DLC1: variants seen among roughly 807,000 people sequenced by gnomAD.
DLC1 encodes rho GTPase-activating protein 7.
A neutral mutation model predicts 140.3 loss-of-function variants in DLC1; 54 were observed. The observed-to-expected ratio is 0.38, with a 90% CI of 0.31 to 0.48. The LOEUF (loss-of-function observed/expected upper bound fraction) is 0.48, where lower values mean the gene tolerates loss of function less well. DLC1 is among the 20% of genes least tolerant of loss of function. The pLI is 0.96. For synonymous variants in DLC1, 986 were observed against 728.1 expected, an observed-to-expected ratio of 1.35 and a Z score of -5.70; for missense variants, 2,536 against 1,907.0, an observed-to-expected ratio of 1.33 and a Z score of -6.14.
At chr8:13,220,254 C>T (rs1828475651) in intron 5 of DLC1, among the ~76,000 whole-genome samples, 1 of 152,020 alleles carries the variant, frequency 6.6e-6, no homozygotes, top group South Asian at 2.1e-4. Context: ...ATTGTGAAGC[C>T]TTTTTTGAAG....
chr8:13,252,558 C>G (rs1830055594), intron 5 of DLC1, among the ~76,000 whole-genome samples: 1 of 152,120 alleles, frequency 6.6e-6, no homozygotes, highest in African/African-American at 2.4e-5. Flanking sequence ...CTACCTTGCT[C>G]AGAGCAGATG....
intron 5 of DLC1, among the ~76,000 whole-genome samples, chr8:13,293,261 T>C (rs1275323591): frequency 1.3e-5 from 2 of 152,144 alleles, no homozygotes; most frequent in East Asian, 3.9e-4. Context: ...AATGAATTAA[T>C]AGCCAAATGG....
intron 4 of DLC1, among the ~76,000 whole-genome samples, chr8:13,349,492 G>A (rs776781435): frequency 2.6e-5 from 4 of 152,172 alleles, no homozygotes; most frequent in Non-Finnish European, 4.4e-5. Context: ...CTCTTTCACA[G>A]AGCATTTGAG....
intron 5 of DLC1, among the ~76,000 whole-genome samples, chr8:13,257,702 T>A (rs878965343): frequency 7.0e-6 from 1 of 142,214 alleles, no homozygotes; most frequent in South Asian, 2.4e-4. Flanking sequence ...ACTTTGTTTA[T>A]GTCAACTACG....
rs562514735 is a variant in DLC1 at position 13,378,161 on chromosome 8, T to C, written c.1314+15392A>G. On this transcript the variant is annotated intron_variant, in intron 4 of 17. Coordinates refer to ENST00000276297, the MANE Select transcript of DLC1 (RefSeq NM_182643.3). ...TTGTTACATATGTATACATGTGCCA[T>C]GCATATGTAACAAACCTGCACATTG... is the stretch of plus-strand genomic sequence containing the variant. 2.1e-5 allele frequency among the ~76,000 whole-genome samples: 3 copies of C among 141,896 alleles called. No individual in the cohort carries two copies. The South Asian group carries it at 7.0e-4, about 33-fold the overall frequency. 93.1% of individuals were successfully genotyped at this position (141,896 alleles called of 152,430 possible). A position where few individuals can be genotyped will look rare whatever the true frequency, so the allele number is the denominator to read the frequency against.
At chr8:13,440,459 T>C (rs2116918113) in intron 2 of DLC1, among the ~76,000 whole-genome samples, 1 of 152,298 alleles carries the variant, frequency 6.6e-6, no homozygotes, top group South Asian at 2.1e-4. Context: ...GCTACATGTG[T>C]CAATGAAATG....
chr8:13,208,840 T>G (rs1234170694), intron 5 of DLC1, among the ~76,000 whole-genome samples: 1 of 151,798 alleles, frequency 6.6e-6, no homozygotes, highest in Non-Finnish European at 1.5e-5. Flanking sequence ...GAAGAGCTGA[T>G]GATGTGGGAA....
intron 5 of DLC1, among the ~76,000 whole-genome samples, chr8:13,175,061 T>G (rs570972763): frequency 5.9e-4 from 90 of 152,274 alleles, no homozygotes; most frequent in African/African-American, 1.8e-3. Context: ...AAGGTAGGGG[T>G]CCATTCTTCT....
intron 17 of DLC1, 53 bp downstream of exon 17, chr8:13,086,237 C>A: frequency 5.7e-6 from 9 of 1,568,978 alleles, no homozygotes; most frequent in African/African-American, 1.4e-5. Context: ...GACAAAAAGT[C>A]AGAATTTCCT....
intron 5 of DLC1, among the ~76,000 whole-genome samples, chr8:13,237,195 A>ATG (rs1234302531): frequency 0.032 from 3,329 of 102,750 alleles, 50 homozygotes; most frequent in East Asian, 0.12. Context: ...ATATATATAT[A>ATG]TATGTGTGTG....
At chr8:13,231,239 C>G (rs531412791) in intron 5 of DLC1, among the ~76,000 whole-genome samples, 1 of 151,704 alleles carries the variant, frequency 6.6e-6, no homozygotes, top group African/African-American at 2.4e-5. Context: ...AAATCAAGTG[C>G]GGGATTTTCA....
At chr8:13,091,087 C>T (rs546221870) in intron 14 of DLC1, among the ~76,000 whole-genome samples, 45 of 152,164 alleles carry the variant, frequency 3.0e-4, no homozygotes, top group East Asian at 9.6e-4. Flanking sequence ...GAATTACAGG[C>T]GTGAGCCACT....
chr8:13,500,819 C>T (rs1002108169), intron 1 of DLC1, among the ~76,000 whole-genome samples: 2 of 6,744 alleles, frequency 3.0e-4, no homozygotes, highest in Non-Finnish European at 5.6e-3. Context: ...ATAACACATA[C>T]CATTTACAAT....
chr8:13,117,304 C>T (rs1446397150), intron 5 of DLC1, among the ~76,000 whole-genome samples: 1 of 152,080 alleles, frequency 6.6e-6, no homozygotes, highest in Non-Finnish European at 1.5e-5. Flanking sequence ...AACCCTGTCT[C>T]TACCAAAGAA....
At chr8:13,130,614 T>C (rs556288984) in intron 5 of DLC1, among the ~76,000 whole-genome samples, 4 of 152,220 alleles carry the variant, frequency 2.6e-5, no homozygotes, top group Non-Finnish European at 4.4e-5. Flanking sequence ...TTTGAAACAC[T>C]GCCTTCATAG....
intron 4 of DLC1, among the ~76,000 whole-genome samples, chr8:13,314,620 A>G (rs1832794868): frequency 6.6e-6 from 1 of 152,198 alleles, no homozygotes; most frequent in Non-Finnish European, 1.5e-5. Context: ...GTATTACCAA[A>G]CATTTGCTGA....
intron 4 of DLC1, among the ~76,000 whole-genome samples, chr8:13,328,124 G>A (rs1833445810): frequency 6.6e-6 from 1 of 152,176 alleles, no homozygotes; most frequent in African/African-American, 2.4e-5. Flanking sequence ...AGCCCTTGTA[G>A]TTGATGCTAA....
At chr8:13,496,957 T>C (rs931868966) in intron 2 of DLC1, among the ~76,000 whole-genome samples, 8 of 151,792 alleles carry the variant, frequency 5.3e-5, no homozygotes, top group African/African-American at 1.9e-4. Flanking sequence ...CCTGCCACCA[T>C]GCCTGGCTAA....
intron 10 of DLC1, among the ~76,000 whole-genome samples, chr8:13,097,273 A>ATTATTT (rs1377225334): frequency 1.4e-4 from 21 of 150,948 alleles, no homozygotes; most frequent in South Asian, 2.1e-4. Flanking sequence ...TATTATTATT[A>ATTATTT]TTTTTTGAGA....
Sources: gnomAD v4.1 joint callset for allele counts (sites outside exome capture counted in the v4.1 genomes callset) on GRCh38, gnomAD v4.1.1 for gene constraint, MANE v1.5 for transcripts, NCBI Gene and HGNC (gene_info 2026-07-23, HGNC 2026-07-21) for gene names.